The following DPP6 variants were observed in gnomAD, a reference collection of about 807,000 sequenced individuals.
DPP6 encodes A-type potassium channel modulatory protein DPP6.
A neutral mutation model predicts 122.6 loss-of-function variants in DPP6; 69 were observed. The ratio of observed to expected loss-of-function variants is 0.56; its 90% confidence interval spans 0.46 to 0.69. The LOEUF (loss-of-function observed/expected upper bound fraction) is 0.69, where lower values mean the gene tolerates loss of function less well. Among genes scored for constraint, DPP6 ranks in the 30% least tolerant of loss-of-function variants. The probability of loss-of-function intolerance (pLI) is 0.00; values close to 1 mark genes in which losing one functional copy is unlikely to be tolerated. For missense variants in DPP6, 928 were observed against 1,116.9 expected (o/e 0.83, Z 2.41); for synonymous variants, 418 against 433.1 (o/e 0.97, Z 0.43).
intron 1 of DPP6, among the ~76,000 whole-genome samples, chr7:153,933,546 C>T (rs1801275352): frequency 1.3e-5 from 2 of 152,204 alleles, no homozygotes; most frequent in South Asian, 2.1e-4. Context: ...TGGCGTTGCA[C>T]CAGCTGCTGT....
rs143936457 is a variant in DPP6 at position 154,726,172 on chromosome 7, C to A, written c.763-1595C>A. Among the ~76,000 whole-genome samples the A allele has an allele frequency of 4.5e-3, 682 of 152,268 alleles. 3 individuals carry two copies. The highest frequency in any genetic ancestry group is 7.7e-3 in the Admixed American group (117 of 15,286). On this transcript the variant is annotated intron_variant, in intron 7 of 25. Coordinates refer to ENST00000377770, the MANE Select transcript of DPP6 (RefSeq NM_130797.4). ...GCAAGCTGTCAGTGGATCTACCATT[C>A]TAGGGTCTGGAAGACAGTGGCCCTC...
intron 1 of DPP6, chr7:154,026,163 A>AC (rs1798946678): frequency 6.6e-6 from 1 of 151,864 alleles, no homozygotes; most frequent in Non-Finnish European, 1.5e-5. Context: ...TGCATGACTA[A>AC]CCCCCAGTAA....
chr7:154,283,900 G>A (rs985875640), intron 1 of DPP6, among the ~76,000 whole-genome samples: 1 of 152,064 alleles, frequency 6.6e-6, no homozygotes, highest in Non-Finnish European at 1.5e-5. Flanking sequence ...ATCATTTCAG[G>A]GCTCTTTGCA....
the DPP6 span, among the ~76,000 whole-genome samples, chr7:153,813,971 T>C: frequency 4.7e-3 from 716 of 152,260 alleles, 7 homozygotes; most frequent in Non-Finnish European, 7.4e-3. Flanking sequence ...ATTCTGTAGG[T>C]TGCCTGTTCA....
chr7:154,354,545 G>T (rs149131729), intron 1 of DPP6, among the ~76,000 whole-genome samples: 2 of 151,928 alleles, frequency 1.3e-5, no homozygotes, highest in Non-Finnish European at 2.9e-5. Flanking sequence ...TTATGATTTC[G>T]CTGGGTGTCT....
intron 3 of DPP6, among the ~76,000 whole-genome samples, chr7:154,511,900 A>C (rs570721518): frequency 7.2e-5 from 11 of 152,244 alleles, no homozygotes; most frequent in South Asian, 2.1e-4. Flanking sequence ...GAATTTGTTA[A>C]AACATTTAAG....
chr7:154,440,667 A>G (rs1283734382), intron 1 of DPP6, among the ~76,000 whole-genome samples: 2 of 152,212 alleles, frequency 1.3e-5, no homozygotes, highest in Non-Finnish European at 2.9e-5. Flanking sequence ...TAGTCTTAAT[A>G]TACTTCTGCA....
intron 1 of DPP6, among the ~76,000 whole-genome samples, chr7:153,975,519 C>A (rs1387073415): frequency 2.7e-5 from 4 of 149,122 alleles, no homozygotes; most frequent in Non-Finnish European, 5.9e-5. Context: ...GCAACTTGAA[C>A]TAAGAGAGAA....
chr7:154,207,967 A>AAAT (rs756114765), intron 1 of DPP6, among the ~76,000 whole-genome samples: 20 of 151,460 alleles, frequency 1.3e-4, no homozygotes, highest in African/African-American at 4.6e-4. Flanking sequence ...AAAAAAAAAA[A>AAAT]TTTAAGAATA....
At chr7:154,791,088 C>G (rs889058467) in intron 10 of DPP6, among the ~76,000 whole-genome samples, 1 of 151,964 alleles carries the variant, frequency 6.6e-6, no homozygotes, top group African/African-American at 2.4e-5. Context: ...CCCATCTCTA[C>G]TAAAAACACA....
intron 1 of DPP6, among the ~76,000 whole-genome samples, chr7:154,251,998 G>A (rs1802376981): frequency 6.6e-6 from 1 of 152,168 alleles, no homozygotes; most frequent in African/African-American, 2.4e-5. Context: ...GAAATAGTGT[G>A]GTTCAAATAA....
At chr7:154,839,600 G>A (rs938887022) in intron 16 of DPP6, among the ~76,000 whole-genome samples, 2 of 152,240 alleles carry the variant, frequency 1.3e-5, no homozygotes, top group Non-Finnish European at 2.9e-5. Flanking sequence ...GTTAACCGTT[G>A]TTGTTGCCAT....
chr7:154,708,005 G>A (rs1840928704), intron 7 of DPP6, among the ~76,000 whole-genome samples: 1 of 152,190 alleles, frequency 6.6e-6, no homozygotes, highest in Non-Finnish European at 1.5e-5. Flanking sequence ...AAAAGGTTGT[G>A]TATTTGCCCA....
At chr7:154,121,822 G>A (rs890645437) in intron 1 of DPP6, among the ~76,000 whole-genome samples, 1 of 152,158 alleles carries the variant, frequency 6.6e-6, no homozygotes, top group Non-Finnish European at 1.5e-5. Flanking sequence ...ACCAGAGCAT[G>A]CCAGTGTCAT....
chr7:153,996,507 A>G (rs200304412), intron 1 of DPP6, among the ~76,000 whole-genome samples: 2,089 of 151,226 alleles, frequency 0.014, 20 homozygotes, highest in Middle Eastern at 0.044. Context: ...CCCCCAAAAC[A>G]TGACCTAAGG....
intron 3 of DPP6, among the ~76,000 whole-genome samples, chr7:154,517,953 C>T (rs900872989): frequency 2.6e-5 from 4 of 152,042 alleles, no homozygotes; most frequent in East Asian, 1.9e-4. Context: ...TGACCTTTAC[C>T]GGCTCCACCG....
At chr7:154,441,714 G>C (rs1286993361) in intron 1 of DPP6, among the ~76,000 whole-genome samples, 1 of 152,112 alleles carries the variant, frequency 6.6e-6, no homozygotes, top group Non-Finnish European at 1.5e-5. Flanking sequence ...AATTAAAGCG[G>C]CCTGCATTAG....
chr7:154,409,857 A>C (rs557680276), intron 1 of DPP6, among the ~76,000 whole-genome samples: 106 of 152,298 alleles, frequency 7.0e-4, no homozygotes, highest in African/African-American at 2.5e-3. Context: ...TGGGAGGCTT[A>C]ATTCTTGCCT....
chr7:154,206,440 AT>A (rs1799450420), intron 1 of DPP6, among the ~76,000 whole-genome samples: 1 of 152,176 alleles, frequency 6.6e-6, no homozygotes, highest in South Asian at 2.1e-4. Context: ...CTGTCCTTGA[AT>A]ATGCTCTTGC....
Sources: gnomAD v4.1 joint callset for allele counts (sites outside exome capture counted in the v4.1 genomes callset) on GRCh38, gnomAD v4.1.1 for gene constraint, MANE v1.5 for transcripts, NCBI Gene and HGNC (gene_info 2026-07-23, HGNC 2026-07-21) for gene names.